Variants in CAPZB observed in about 807,000 individuals in gnomAD.
CAPZB encodes the protein capping actin protein of muscle Z-line subunit beta, also known as F-actin-capping protein subunit beta.
A neutral mutation model predicts 38.1 loss-of-function variants in CAPZB; 2 were observed. The observed-to-expected ratio is 0.05, with a 90% CI of 0.02 to 0.17. CAPZB has a LOEUF of 0.17. CAPZB is among the 10% of genes least tolerant of loss of function. The pLI is 1.00. For synonymous variants in CAPZB, 107 were observed against 127.4 expected (o/e 0.84, Z 1.08); for missense variants, 161 against 334.2 (o/e 0.48, Z 4.04).
chr1:19,378,759 C>T (rs2094156762), intron 3 of CAPZB, 106 bp from the exon 4 acceptor site: 24 of 652,746 alleles, frequency 3.7e-5, no homozygotes, highest in South Asian at 2.5e-4. Context: ...GAGGCAAAGC[C>T]GCTAACTCCA....
chr1:19,363,064 T>C (rs1272547783), intron 4 of CAPZB, among the ~76,000 whole-genome samples: 2 of 152,152 alleles, frequency 1.3e-5, no homozygotes, highest in African/African-American at 2.4e-5. Flanking sequence ...CTTTTAAGAC[T>C]TTCCTAACAC....
Position 19,415,797 on chromosome 1 carries a change from C to T in CAPZB, c.93+3864G>A, listed in dbSNP as rs2094376398. 2.0e-5 allele frequency among the ~76,000 whole-genome samples: 3 copies of T among 152,228 alleles called. No individual in the cohort carries two copies. The South Asian group carries it at 6.2e-4, about 31-fold the overall frequency. Reference sequence around the variant, plus strand: ...CAAGTTATCCACCTGCCTTGGCCTCCCAAAGTGCTGGGATTACAGGCATGG... The same window carrying T: ...CAAGTTATCCACCTGCCTTGGCCTCTCAAAGTGCTGGGATTACAGGCATGG... On this transcript the variant is annotated intron_variant, in intron 2 of 8. Transcript: ENST00000264202.
chr1:19,462,423 A>C lies in CAPZB; in HGVS notation c.3+23013T>G, dbSNP rs541379734. On this transcript the variant is annotated intron_variant, in intron 1 of 8. Transcript: ENST00000264202. ...CAGTGAGCTGAGATCGTGCCACTGC[A>C]CTCTAGCCTGGGCGACAGAGTGAGA... is the stretch of plus-strand genomic sequence containing the variant. 2.0e-4 allele frequency among the ~76,000 whole-genome samples: 30 copies of C among 151,824 alleles called. No homozygotes were observed. In the South Asian group the frequency reaches 6.0e-3, roughly 31 times the overall value.
intron 1 of CAPZB, among the ~76,000 whole-genome samples, chr1:19,450,726 C>T (rs2094513220): frequency 6.6e-6 from 1 of 152,170 alleles, no homozygotes; most frequent in African/African-American, 2.4e-5. Context: ...AAAAACTATC[C>T]TTTCACACTT....
chr1:19,362,541 A>G (rs1462233035), intron 4 of CAPZB, among the ~76,000 whole-genome samples: 1 of 152,172 alleles, frequency 6.6e-6, no homozygotes, highest in East Asian at 1.9e-4. Context: ...TTAAACATGC[A>G]GGCCTAGGAC....
chr1:19,397,118 G>A (rs1570125441), intron 2 of CAPZB, among the ~76,000 whole-genome samples: 2 of 152,166 alleles, frequency 1.3e-5, no homozygotes, highest in East Asian at 3.8e-4. Flanking sequence ...TCTCGTTTAA[G>A]TGAAAAGATA....
chr1:19,440,944 C>T (rs1007199022), intron 1 of CAPZB, among the ~76,000 whole-genome samples: 2 of 152,058 alleles, frequency 1.3e-5, no homozygotes, highest in Non-Finnish European at 2.9e-5. Flanking sequence ...CCTGTGGTCC[C>T]AGCTACTCGG....
intron 1 of CAPZB, among the ~76,000 whole-genome samples, chr1:19,450,932 G>A (rs1189261666): frequency 6.6e-6 from 1 of 152,194 alleles, no homozygotes; most frequent in African/African-American, 2.4e-5. Flanking sequence ...TTGGAATAAT[G>A]GAAAGAGATG....
At chr1:19,378,899 T>G (rs2094157669) in intron 3 of CAPZB, among the ~76,000 whole-genome samples, 2 of 152,120 alleles carry the variant, frequency 1.3e-5, no homozygotes, top group Admixed American at 1.3e-4. Flanking sequence ...GCTCAGCAAG[T>G]GTCCCAACTC....
chr1:19,421,650 G>A (rs9887876), intron 1 of CAPZB, among the ~76,000 whole-genome samples: 4,373 of 152,296 alleles, frequency 0.029, 191 homozygotes, highest in African/African-American at 0.092. Context: ...TTAACACCAC[G>A]TCTTGGGCAG....
chr1:19,436,513 T>C (rs2094458663), intron 1 of CAPZB, among the ~76,000 whole-genome samples: 1 of 152,222 alleles, frequency 6.6e-6, no homozygotes, highest in South Asian at 2.1e-4. Context: ...ATGCGGAGAC[T>C]AAGATCTATG....
intron 2 of CAPZB, among the ~76,000 whole-genome samples, chr1:19,403,256 C>T (rs963394198): frequency 1.3e-5 from 2 of 152,100 alleles, no homozygotes; most frequent in Admixed American, 6.6e-5. Context: ...AGTGGGGATA[C>T]AAAGGTGAAC....
chr1:19,346,225 T>C (rs2093959676), intron 6 of CAPZB, among the ~76,000 whole-genome samples: 1 of 151,894 alleles, frequency 6.6e-6, no homozygotes, highest in African/African-American at 2.4e-5. Context: ...TGACTAATGT[T>C]GTTGAAATAA....
At chr1:19,363,380 C>G (rs544844932) in intron 4 of CAPZB, among the ~76,000 whole-genome samples, 1 of 150,978 alleles carries the variant, frequency 6.6e-6, no homozygotes, top group Non-Finnish European at 1.5e-5. Flanking sequence ...CTATCGTCAC[C>G]TTGGTCCCTA....
intron 1 of CAPZB, 121 bp downstream of exon 1, chr1:19,485,315 G>T: frequency 3.0e-6 from 2 of 668,250 alleles, no homozygotes; most frequent in South Asian, 7.6e-5. Context: ...CCCAGGGTCC[G>T]GGACCCCGCC....
chr1:19,433,725 C>T (rs2094449538), intron 1 of CAPZB, among the ~76,000 whole-genome samples: 1 of 152,192 alleles, frequency 6.6e-6, no homozygotes, highest in Non-Finnish European at 1.5e-5. Flanking sequence ...GAAAAGAACA[C>T]AGTGCTTATT....
At chr1:19,459,495 C>T (rs2094543676) in intron 1 of CAPZB, among the ~76,000 whole-genome samples, 1 of 151,908 alleles carries the variant, frequency 6.6e-6, no homozygotes, top group Admixed American at 6.6e-5. Context: ...AACCTTCTAC[C>T]ACGCCTTGCT....
At chr1:19,396,003 T>C (rs942924773) in intron 2 of CAPZB, among the ~76,000 whole-genome samples, 1 of 152,220 alleles carries the variant, frequency 6.6e-6, no homozygotes, top group African/African-American at 2.4e-5. Flanking sequence ...CCAGACCACC[T>C]TTCTTCCCCG....
chr1:19,446,696 A>T (rs985444086), intron 1 of CAPZB, among the ~76,000 whole-genome samples: 1 of 152,220 alleles, frequency 6.6e-6, no homozygotes, highest in African/African-American at 2.4e-5. Flanking sequence ...TTACAATTGC[A>T]CAGTGTTAAA....
Sources: allele counts gnomAD v4.1 joint callset (sites outside exome capture counted in the v4.1 genomes callset), GRCh38; gene constraint gnomAD v4.1.1; transcripts MANE v1.5; gene names NCBI Gene and HGNC (gene_info 2026-07-23, HGNC 2026-07-21).